The following MYBBP1A variants were observed in gnomAD, a reference collection of about 807,000 sequenced individuals.
MYBBP1A encodes the protein myb-binding protein 1A.
Under a neutral mutation model 136.3 loss-of-function variants are expected in MYBBP1A, and 147 were observed. That is an observed-to-expected ratio of 1.08 (90% CI 0.94 to 1.24). The LOEUF is 1.24. Ranked by LOEUF, MYBBP1A falls within the 50% of genes most tolerant of loss-of-function variation. The probability of loss-of-function intolerance (pLI) is 0.00; values close to 1 mark genes in which losing one functional copy is unlikely to be tolerated. For missense variants in MYBBP1A, 2,060 were observed against 1,727.4 expected (o/e 1.19, Z -3.41); for synonymous variants, 947 against 735.8 (o/e 1.29, Z -4.65).
intron 23 of MYBBP1A, 30 bp from the exon 24 acceptor site, chr17:4,541,594 C>A: frequency 1.3e-6 from 2 of 1,598,924 alleles, no homozygotes; most frequent in South Asian, 2.2e-5. Context: ...CTGAGGCACT[C>A]CGGAGAGCTG....
chr17:4,545,459 G>A (rs1328147430), intron 15 of MYBBP1A, 114 bp from the exon 16 acceptor site: 1 of 1,518,592 alleles, frequency 6.6e-7, no homozygotes, highest in Non-Finnish European at 8.9e-7. Context: ...GCCTAGGAGA[G>A]GCGGCCAGGC....
intron 3 of MYBBP1A, 24 bp from the exon 4 acceptor site, chr17:4,554,117 GC>G (rs1907793804): frequency 1.2e-6 from 2 of 1,613,738 alleles, no homozygotes; most frequent in African/African-American, 2.7e-5. Context: ...CCAGGCACAG[GC>G]ATGAGGGGCC....
At chr17:4,545,461 C>T (rs2306266) in intron 15 of MYBBP1A, 116 bp from the exon 16 acceptor site, 383,240 of 1,505,406 alleles carry the variant, frequency 0.25, 54,603 homozygotes, top group East Asian at 0.54. Context: ...CTAGGAGAGG[C>T]GGCCAGGCCA....
At chr17:4,547,657 A>G (rs1192874362) in intron 13 of MYBBP1A, 1 of 334,152 alleles carries the variant, frequency 3.0e-6, no homozygotes, top group Non-Finnish European at 5.4e-6. Context: ...CAGGGGGTAC[A>G]GTGCAAGCTC....
At chr17:4,540,244 AGTGTGC>A in intron 25 of MYBBP1A, 98 bp downstream of exon 25, 1 of 1,389,994 alleles carries the variant, frequency 7.2e-7, no homozygotes, top group Non-Finnish European at 9.6e-7. Flanking sequence ...ATGCGTGTGC[AGTGTGC>A]GTGTGCAGCA....
chr17:4,548,442 C>T lies in MYBBP1A; in HGVS notation c.1556+82G>A. The T allele has an allele frequency of 1.2e-6, 2 of 1,609,762 alleles. No homozygotes were observed. Among genetic ancestry groups the T allele is most frequent in the Non-Finnish European group, 1.7e-6 (2 of 1,177,752 alleles). On this transcript the variant is annotated intron_variant, in intron 11 of 25. Transcript: ENST00000254718. This position sits in a 1 kb window ranked among gnomAD's most constrained non-coding sequence, Gnocchi z 4.2. The stretch of plus-strand genomic sequence containing the variant: ...AACTCCGGGGGCCTCTGCCGTTGTT[C>T]CCAGCTTAGGGGACCTGGAGGGAGC...
In MYBBP1A at chr17:4,545,658, G is replaced by C. The variant is rs761660863; in HGVS notation, c.2025C>G (p.Gly675=). ...LMRQVARSVF[G]HICSHLTPRA... Reference sequence around the variant, plus strand: ...GCGGGGTCAGGTGGGAGCAGATGTGGCCAAACACGCTCCGGGCCACCTGGC... The same window carrying C: ...GCGGGGTCAGGTGGGAGCAGATGTGCCCAAACACGCTCCGGGCCACCTGGC... Residue 675 remains glycine, a synonymous_variant, in exon 15 of 26, where the codon GGC becomes GGG. Coordinates refer to ENST00000254718, the MANE Select transcript of MYBBP1A (RefSeq NM_014520.4). 6.2e-7 allele frequency: 1 copy of C among 1,610,950 alleles called. No homozygotes were observed. The highest frequency in any genetic ancestry group is 1.1e-5 in the South Asian group (1 of 90,908).
chr17:4,549,988 G>A (rs1907358521), intron 9 of MYBBP1A, 70 bp downstream of exon 9: 8 of 1,514,360 alleles, frequency 5.3e-6, no homozygotes, highest in South Asian at 1.3e-5. Flanking sequence ...GGGCGGGCTT[G>A]GGTCGCGGGG....
chr17:4,539,049 C>T lies in MYBBP1A; in HGVS notation c.*366G>A. The T allele has an allele frequency of 9.5e-7, 1 of 1,050,602 alleles. No homozygotes were observed. Among genetic ancestry groups the T allele is most frequent in the Non-Finnish European group, 1.5e-6 (1 of 671,238 alleles). 65.1% of individuals were successfully genotyped at this position (1,050,602 alleles called of 1,614,324 possible). ...CTATTTAAATCACCCCCTGGTGGCT[C>T]CCTCACAGCAAAAAAGCCTGGGGGC... On this transcript the variant is annotated 3_prime_UTR_variant, in exon 26 of 26. Coordinates refer to ENST00000254718, the MANE Select transcript of MYBBP1A (RefSeq NM_014520.4).
In MYBBP1A at chr17:4,544,834, G is replaced by A. The variant is rs942663231; in HGVS notation, c.2398C>T (p.Gln800Ter). 6 of 1,607,788 alleles carry A rather than the reference G, an allele frequency of 3.7e-6. No homozygotes were observed. The highest frequency in any genetic ancestry group is 3.3e-5 in the South Asian group (3 of 89,688). The change falls in exon 18 of 26, where the codon CAG (glutamine) becomes TAG (stop). Residue 800 changes from glutamine to a stop codon, truncating the protein, a stop_gained. Transcript: ENST00000254718. LOFTEE classifies it high-confidence loss of function. Reference protein sequence around the residue: ...DQSLASLFAEQKLRIQARRDE... With the variant: ...DQSLASLFAE ...CGCCGGGCCTGGATACGCAGCTTCT[G>A]CTCGGCAAAGAGGCTGGCGAGGCTC...
chr17:4,553,950 A>G (rs1177979183), intron 4 of MYBBP1A, 33 bp from the exon 5 acceptor site: 2 of 1,613,238 alleles, frequency 1.2e-6, no homozygotes, highest in South Asian at 1.1e-5. Flanking sequence ...GGGTATGAGC[A>G]GGGCACACGA....
In MYBBP1A at chr17:4,552,689, CTA is replaced by C; in HGVS notation, c.562-65_562-64del. Reference sequence around the variant, plus strand: ...CGGGGTGAGCCTGGTGGATCCTGTTCTACCTGCTCCTGACACGGGGCCACCTG... The same window carrying C: ...CGGGGTGAGCCTGGTGGATCCTGTTCCCTGCTCCTGACACGGGGCCACCTG... On this transcript the variant is annotated intron_variant, in intron 5 of 25. Transcript: ENST00000254718. The surrounding 1 kb of genome is among the most constrained non-coding windows in gnomAD (Gnocchi z 4.7). The C allele has an allele frequency of 4.0e-6, 6 of 1,508,080 alleles. No homozygotes were observed. The highest frequency in any genetic ancestry group is 5.4e-6 in the Non-Finnish European group (6 of 1,107,252). 93.4% of individuals were successfully genotyped at this position (1,508,080 alleles called of 1,614,324 possible).
At chr17:4,550,556 G>A (rs1193349705) in intron 8 of MYBBP1A, among the ~76,000 whole-genome samples, 5 of 152,262 alleles carry the variant, frequency 3.3e-5, no homozygotes, top group Non-Finnish European at 7.3e-5. Flanking sequence ...GGCTGTGCCT[G>A]AACTTGCAAC....
chr17:4,548,580 C>G lies in MYBBP1A; in HGVS notation c.1500G>C (p.Pro500=), dbSNP rs199791918. The G allele has an allele frequency of 6.2e-7, 1 of 1,614,084 alleles. No homozygotes were observed. The highest frequency in any genetic ancestry group is 1.3e-5 in the African/African-American group (1 of 74,938). Residue 500 remains proline, a synonymous_variant, in exon 11 of 26, where the codon CCG becomes CCC. Transcript: ENST00000254718. This position sits in a 1 kb window ranked among gnomAD's most constrained non-coding sequence, Gnocchi z 4.2. The part of the protein sequence containing the change: ...PTSQIPETKH[P]FSFPLENQAR... ...CCTGGTTTTCCAAAGGGAAGGAGAA[C>G]GGGTGCTTTGTCTCAGGGATCTGGG...
At position 4,555,243 on chromosome 17, in the gene MYBBP1A, G is replaced by A. The variant is rs764684135; in HGVS notation, c.82C>T (p.Leu28=). 3.7e-6 allele frequency: 6 copies of A among 1,612,314 alleles called. No individual in the cohort carries two copies. Among genetic ancestry groups the A allele is most frequent in the Non-Finnish European group, 5.1e-6 (6 of 1,179,732 alleles). The change falls in exon 1 of 26, where the codon CTA becomes TTA. Residue 28 remains leucine, a synonymous_variant. Transcript: ENST00000254718. ...AAGAACTCGCGACTGTGCTTCAATAGGCCATAGCGGTCGGCAGGCCGGGCG... is the reference window on the plus strand; with the variant it reads ...AAGAACTCGCGACTGTGCTTCAATAAGCCATAGCGGTCGGCAGGCCGGGCG... ...SGARPADRYG[L]LKHSREFLDF... is the part of the protein sequence containing the mutation.
intron 24 of MYBBP1A, among the ~76,000 whole-genome samples, chr17:4,541,080 C>T (rs1014825724): frequency 3.3e-5 from 5 of 152,270 alleles, no homozygotes; most frequent in South Asian, 2.1e-4. Context: ...CCTCCCAGCC[C>T]TGCCCTGATG....
Position 4,539,997 on chromosome 17 carries a change from GC to G in MYBBP1A, c.3435-31del, listed in dbSNP as rs1567601920. 7 of 1,585,380 alleles carry G rather than the reference GC, an allele frequency of 4.4e-6. No homozygotes were observed. The South Asian group carries it at 7.8e-5, about 18-fold the overall frequency. ...AGGGAAGTGAGCAAGGTTAGAAGGT[GC>G]CCATCGAGGGCAGCAGCCACCGCCA... On this transcript the variant is annotated intron_variant, in intron 25 of 25. Transcript: ENST00000254718.
rs763442669 is a variant in MYBBP1A, at chr17:4,539,930, G to C, written c.3472C>G (p.Pro1158Ala). 2.8e-5 allele frequency: 45 copies of C among 1,599,508 alleles called. No individual in the cohort carries two copies. The highest frequency in any genetic ancestry group is 3.4e-5 in the Non-Finnish European group (40 of 1,179,948). Residue 1158 changes from proline to alanine, a missense_variant, in exon 26 of 26, where the codon CCC becomes GCC. By Grantham distance (27) the Pro-to-Ala change is conservative. Coordinates refer to ENST00000254718, the MANE Select transcript of MYBBP1A (RefSeq NM_014520.4). Reference sequence around the variant, plus strand: ...CTGATGGGGCTCTGGGTGGCACTGGGGATCTCCTTGGCATCCTTCTTCTCC... The same window carrying C: ...CTGATGGGGCTCTGGGTGGCACTGGCGATCTCCTTGGCATCCTTCTTCTCC... Reference protein sequence around the residue: ...KLEKKDAKEIPSATQSPISKK... With the variant: ...KLEKKDAKEIASATQSPISKK...
intron 9 of MYBBP1A, among the ~76,000 whole-genome samples, chr17:4,549,785 CAAAA>C (rs60360356): frequency 2.0e-4 from 13 of 65,402 alleles, no homozygotes; most frequent in African/African-American, 5.5e-4. Context: ...GAGACTCTGT[CAAAA>C]AAAAAAAAAA....
Sources: allele counts gnomAD v4.1 joint callset (sites outside exome capture counted in the v4.1 genomes callset), GRCh38; gene constraint gnomAD v4.1.1; non-coding constraint Gnocchi (gnomAD v3.1); transcripts MANE v1.5; gene names NCBI Gene and HGNC (gene_info 2026-07-23, HGNC 2026-07-21).